The following ZFAND3 variants were observed in gnomAD, a reference collection of about 807,000 sequenced individuals.
ZFAND3 encodes the protein AN1-type zinc finger protein 3.
Under a neutral mutation model 29.6 loss-of-function variants are expected in ZFAND3, and 10 were observed. That is an observed-to-expected ratio of 0.34 (90% confidence interval 0.21 to 0.57). The LOEUF is 0.57. Among genes scored for constraint, ZFAND3 ranks in the 20% least tolerant of loss-of-function variants. ZFAND3 has a pLI of 0.86. For missense variants in ZFAND3, 230 were observed against 304.5 expected (o/e 0.76, Z 1.82); for synonymous variants, 128 against 112.6 (o/e 1.14, Z -0.87).
intron 1 of ZFAND3, among the ~76,000 whole-genome samples, chr6:37,897,132 A>T (rs6910837): frequency 0.13 from 19,800 of 152,166 alleles, 2,097 homozygotes; most frequent in African/African-American, 0.3. Context: ...TATTTGTGTA[A>T]TCAACAGCTA....
intron 5 of ZFAND3, among the ~76,000 whole-genome samples, chr6:38,133,619 G>A (rs1035340570): frequency 5.3e-5 from 8 of 152,036 alleles, no homozygotes; most frequent in East Asian, 1.9e-4. Flanking sequence ...GCGTGGTGGC[G>A]GGCGCCTGTA....
chr6:37,927,221 A>AT (rs1561936826), intron 1 of ZFAND3, among the ~76,000 whole-genome samples: 1 of 152,192 alleles, frequency 6.6e-6, no homozygotes, highest in Non-Finnish European at 1.5e-5. Flanking sequence ...CCATTTTGCC[A>AT]TTTTTTTAAA....
chr6:37,822,797 G>C (rs975919141), intron 1 of ZFAND3, among the ~76,000 whole-genome samples: 1 of 152,142 alleles, frequency 6.6e-6, no homozygotes, highest in Non-Finnish European at 1.5e-5. Context: ...GGTGAAGGCC[G>C]GGATGTGAGT....
intron 1 of ZFAND3, among the ~76,000 whole-genome samples, chr6:37,902,407 C>T (rs569268587): frequency 3.7e-4 from 56 of 152,230 alleles, no homozygotes; most frequent in Admixed American, 6.5e-4. Context: ...GTTGAGGCTG[C>T]GGCTGTGGTG....
At chr6:37,944,911 C>T (rs1168521757) in intron 2 of ZFAND3, among the ~76,000 whole-genome samples, 4 of 152,180 alleles carry the variant, frequency 2.6e-5, no homozygotes, top group Non-Finnish European at 1.5e-5. Context: ...TGCGAGCATA[C>T]TCCAGACAGG....
intron 2 of ZFAND3, among the ~76,000 whole-genome samples, chr6:38,026,235 C>G (rs986007094): frequency 3.9e-5 from 6 of 151,910 alleles, no homozygotes; most frequent in African/African-American, 1.2e-4. Context: ...TGTTTTATGA[C>G]TTTTCTTCAT....
At chr6:37,873,288 T>C (rs1764731039) in intron 1 of ZFAND3, among the ~76,000 whole-genome samples, 1 of 151,950 alleles carries the variant, frequency 6.6e-6, no homozygotes, top group Non-Finnish European at 1.5e-5. Context: ...AGAAAGAAAA[T>C]TGGAACCTAA....
intron 2 of ZFAND3, among the ~76,000 whole-genome samples, chr6:38,053,549 T>C (rs965847020): frequency 3.9e-5 from 6 of 152,210 alleles, no homozygotes; most frequent in Middle Eastern, 3.4e-3. Flanking sequence ...CCACACGTGG[T>C]GTTGCACACT....
At chr6:37,848,346 T>A (rs775429417) in intron 1 of ZFAND3, among the ~76,000 whole-genome samples, 34 of 152,266 alleles carry the variant, frequency 2.2e-4, no homozygotes, top group Non-Finnish European at 8.8e-5. Context: ...CTGGACAGAT[T>A]GAGGCCAGGT....
chr6:38,022,525 T>C (rs1763371229), intron 2 of ZFAND3, among the ~76,000 whole-genome samples: 1 of 152,228 alleles, frequency 6.6e-6, no homozygotes, highest in South Asian at 2.1e-4. Flanking sequence ...ATTAAGAGTT[T>C]GCTGTGTACC....
chr6:37,851,576 A>T (rs748814921), intron 1 of ZFAND3, among the ~76,000 whole-genome samples: 8 of 148,704 alleles, frequency 5.4e-5, no homozygotes, highest in Non-Finnish European at 1.2e-4. Flanking sequence ...CCCTACTTAC[A>T]GTATTCTCTG....
chr6:37,868,974 A>G (rs1764641333), intron 1 of ZFAND3, among the ~76,000 whole-genome samples: 1 of 152,202 alleles, frequency 6.6e-6, no homozygotes. Flanking sequence ...GAATATTCGC[A>G]TTTGATAACA....
At chr6:38,149,078 G>A (rs550198327) in intron 5 of ZFAND3, among the ~76,000 whole-genome samples, 3 of 152,102 alleles carry the variant, frequency 2.0e-5, no homozygotes, top group South Asian at 4.1e-4. Flanking sequence ...CTGGCTGGGC[G>A]TGGATTTTTG....
intron 4 of ZFAND3, among the ~76,000 whole-genome samples, chr6:38,108,019 A>C (rs1765242084): frequency 6.6e-6 from 1 of 152,202 alleles, no homozygotes; most frequent in Non-Finnish European, 1.5e-5. Flanking sequence ...TAGACATAAG[A>C]GCCAAATGTA....
chr6:37,912,876 T>C (rs1561931672), intron 1 of ZFAND3, among the ~76,000 whole-genome samples: 8 of 152,206 alleles, frequency 5.3e-5, no homozygotes. Flanking sequence ...GATAATGCAG[T>C]TTTTGTTCCT....
intron 1 of ZFAND3, among the ~76,000 whole-genome samples, chr6:37,921,453 G>A (rs904987303): frequency 5.3e-5 from 8 of 151,662 alleles, no homozygotes; most frequent in African/African-American, 1.9e-4. Context: ...AGTTGTTGAG[G>A]AACATTGATA....
At chr6:37,907,052 T>C (rs1765421195) in intron 1 of ZFAND3, among the ~76,000 whole-genome samples, 1 of 125,916 alleles carries the variant, frequency 7.9e-6, no homozygotes, top group Admixed American at 7.5e-5. Flanking sequence ...CCTTTTAATG[T>C]ATTTTTTTTT....
At chr6:37,854,750 A>G (rs1764344991) in intron 1 of ZFAND3, among the ~76,000 whole-genome samples, 1 of 142,490 alleles carries the variant, frequency 7.0e-6, no homozygotes, top group Non-Finnish European at 1.5e-5. Context: ...TAATGAGACT[A>G]CATAGGCTAA....
chr6:37,878,841 A>G (rs185812328), intron 1 of ZFAND3, among the ~76,000 whole-genome samples: 125 of 152,336 alleles, frequency 8.2e-4, no homozygotes, highest in African/African-American at 2.7e-3. Flanking sequence ...GTCATTTATT[A>G]TATAGGCACC....
Sources: allele counts gnomAD v4.1 joint callset (sites outside exome capture counted in the v4.1 genomes callset), GRCh38; gene constraint gnomAD v4.1.1; transcripts MANE v1.5; gene names NCBI Gene and HGNC (gene_info 2026-07-23, HGNC 2026-07-21).